RABGAP1L: variants seen among roughly 807,000 people sequenced by gnomAD.
RABGAP1L encodes RAB GTPase activating protein 1 like, also known as rab GTPase-activating protein 1-like.
RABGAP1L carries 63 observed loss-of-function variants against 137.7 expected under a neutral mutation model. That is an observed-to-expected ratio of 0.46 (90% CI 0.37 to 0.56). RABGAP1L has a LOEUF of 0.56. Ranked by LOEUF, RABGAP1L falls within the 20% of genes least tolerant of loss-of-function variation. The pLI, the probability that RABGAP1L is intolerant of heterozygous loss-of-function variation, is 0.00. For missense variants in RABGAP1L, 1,095 were observed against 1,244.0 expected (o/e 0.88, Z 1.80); for synonymous variants, 431 against 433.7 (o/e 0.99, Z 0.08).
chr1:174,566,253 G>A lies in RABGAP1L; in HGVS notation c.1711-71122G>A, dbSNP rs143103623. Among the ~76,000 whole-genome samples, 725 of 152,232 alleles carry A rather than the reference G, an allele frequency of 4.8e-3. 9 individuals carry two copies. Among genetic ancestry groups the A allele is most frequent in the Admixed American group, 0.011 (167 of 15,284 alleles). Reference sequence around the variant, plus strand: ...TAACTGGAGAGGAAGTGAGGGGTGGGAGACGGAGAAAGATCTGGCTGGAGA... The same window carrying A: ...TAACTGGAGAGGAAGTGAGGGGTGGAAGACGGAGAAAGATCTGGCTGGAGA... On this transcript the variant is annotated intron_variant, in intron 13 of 25. Transcript: ENST00000681986.
chr1:174,900,268 A>G (rs1432223021), intron 19 of RABGAP1L, among the ~76,000 whole-genome samples: 2 of 152,214 alleles, frequency 1.3e-5, no homozygotes, highest in East Asian at 3.8e-4. Context: ...TACACTCCAC[A>G]GTGTGGGAGC....
chr1:174,925,990 A>G lies in RABGAP1L; in HGVS notation c.2341-31467A>G, dbSNP rs192588226. Among the ~76,000 whole-genome samples, 619 of 148,878 alleles carry G rather than the reference A, an allele frequency of 4.2e-3. 3 individuals carry two copies. The highest frequency in any genetic ancestry group is 0.014 in the Middle Eastern group (4 of 286). On this transcript the variant is annotated intron_variant, in intron 19 of 25. Coordinates refer to ENST00000681986, the MANE Select transcript of RABGAP1L (RefSeq NM_001366446.1). ...GTGATTCTCATGCCTCAGCCTCCCA[A>G]GTAGCTGGGTCTACAGGTGTGCGCC...
chr1:174,752,141 C>A (rs1573030498), intron 17 of RABGAP1L, among the ~76,000 whole-genome samples, 172 bp from the exon 18 acceptor site: 1 of 151,968 alleles, frequency 6.6e-6, no homozygotes, highest in Non-Finnish European at 1.5e-5. Context: ...AAATTTATAA[C>A]AAGCCACTCA....
intron 11 of RABGAP1L, among the ~76,000 whole-genome samples, chr1:174,316,284 G>T (rs1284437412): frequency 6.6e-6 from 1 of 152,210 alleles, no homozygotes; most frequent in East Asian, 1.9e-4. Flanking sequence ...TTCCTGGATG[G>T]TGTTGATGCT....
intron 17 of RABGAP1L, among the ~76,000 whole-genome samples, chr1:174,741,712 T>A (rs1683419639): frequency 6.6e-6 from 1 of 151,950 alleles, no homozygotes; most frequent in African/African-American, 2.4e-5. Flanking sequence ...GCTGTAACTA[T>A]GTGTCTTTAT....
intron 5 of RABGAP1L, among the ~76,000 whole-genome samples, chr1:174,242,578 A>C (rs780689411): frequency 1.3e-5 from 2 of 152,200 alleles, no homozygotes; most frequent in African/African-American, 2.4e-5. Context: ...AATTAATGGA[A>C]ATATGGATTT....
intron 7 of RABGAP1L, among the ~76,000 whole-genome samples, chr1:174,254,517 A>G (rs1010696141): frequency 1.3e-5 from 2 of 152,064 alleles, no homozygotes; most frequent in African/African-American, 4.8e-5. Context: ...GCCCCGGTGT[A>G]TGATGTTACC....
At chr1:174,240,384 A>C (rs541823259) in intron 4 of RABGAP1L, among the ~76,000 whole-genome samples, 1 of 152,226 alleles carries the variant, frequency 6.6e-6, no homozygotes, top group African/African-American at 2.4e-5. Flanking sequence ...ATAGCTGGGA[A>C]TACCGGTTCC....
chr1:174,546,734 T>G (rs1465251081), intron 13 of RABGAP1L, among the ~76,000 whole-genome samples: 1 of 152,172 alleles, frequency 6.6e-6, no homozygotes, highest in Admixed American at 6.5e-5. Context: ...TCCTTTGCAT[T>G]AAGATAAAGC....
chr1:174,573,472 C>T (rs1000554997), intron 13 of RABGAP1L, among the ~76,000 whole-genome samples: 4 of 152,074 alleles, frequency 2.6e-5, no homozygotes, highest in Admixed American at 2.6e-4. Context: ...AAGGTCCTTG[C>T]TCTTGGTTTA....
intron 10 of RABGAP1L, among the ~76,000 whole-genome samples, chr1:174,291,983 T>C (rs959500588): frequency 6.7e-6 from 1 of 150,160 alleles, no homozygotes; most frequent in African/African-American, 2.4e-5. Flanking sequence ...GTTTCACTTG[T>C]GTTTCTTTTT....
intron 14 of RABGAP1L, among the ~76,000 whole-genome samples, chr1:174,682,979 C>G (rs1351623906): frequency 2.0e-5 from 3 of 151,426 alleles, no homozygotes; most frequent in East Asian, 3.9e-4. Context: ...ATTGGAGAAC[C>G]ATTTTTACTC....
At chr1:174,633,242 GACAA>G (rs1419673406) in intron 13 of RABGAP1L, among the ~76,000 whole-genome samples, 97 of 147,142 alleles carry the variant, frequency 6.6e-4, no homozygotes, top group Non-Finnish European at 1.4e-3. Flanking sequence ...ACCAACAACA[GACAA>G]ACAGAGAGCC....
intron 19 of RABGAP1L, chr1:174,875,731 A>C: frequency 1.0e-6 from 1 of 974,180 alleles, no homozygotes; most frequent in Non-Finnish European, 1.2e-6. Flanking sequence ...CTGCCTGGAC[A>C]CCTTATAATG....
intron 11 of RABGAP1L, chr1:174,365,459 G>A (rs937685965): frequency 1.3e-5 from 2 of 152,088 alleles, no homozygotes; most frequent in African/African-American, 4.8e-5. Flanking sequence ...TAGGATCCCA[G>A]AGCATTTCAG....
At chr1:174,550,996 A>G in intron 13 of RABGAP1L, among the ~76,000 whole-genome samples, 1 of 50,272 alleles carries the variant, frequency 2.0e-5, no homozygotes, top group Admixed American at 1.9e-4. Context: ...ATATATATAT[A>G]CACATATATA....
intron 1 of RABGAP1L, among the ~76,000 whole-genome samples, chr1:174,168,239 T>C (rs1665063492): frequency 7.9e-6 from 1 of 126,652 alleles, no homozygotes; most frequent in Non-Finnish European, 1.5e-5. Context: ...CACTCCAGCC[T>C]GAGCTACAGA....
At chr1:174,865,316 G>C (rs1238285591) in intron 19 of RABGAP1L, among the ~76,000 whole-genome samples, 1 of 152,126 alleles carries the variant, frequency 6.6e-6, no homozygotes, top group East Asian at 1.9e-4. Context: ...ATTCCAGCGT[G>C]GGTGACAGAA....
intron 13 of RABGAP1L, among the ~76,000 whole-genome samples, chr1:174,624,754 G>C (rs1048873497): frequency 6.6e-6 from 1 of 151,854 alleles, no homozygotes; most frequent in Admixed American, 6.6e-5. Flanking sequence ...CTTTCACATT[G>C]CTTTCCCCTC....
Sources: allele counts gnomAD v4.1 joint callset (sites outside exome capture counted in the v4.1 genomes callset), GRCh38; gene constraint gnomAD v4.1.1; transcripts MANE v1.5; gene names NCBI Gene and HGNC (gene_info 2026-07-23, HGNC 2026-07-21).